The following TTLL8 variants were observed in gnomAD, a reference collection of about 807,000 sequenced individuals.
TTLL8 encodes the protein tubulin tyrosine ligase like 8, also known as protein monoglycylase TTLL8.
TTLL8 carries 65 observed loss-of-function variants against 77.8 expected under a neutral mutation model. The observed-to-expected ratio is 0.84, with a 90% CI of 0.68 to 1.03. The LOEUF (loss-of-function observed/expected upper bound fraction) is 1.03. Ranked by LOEUF, TTLL8 falls within the 50% of genes least tolerant of loss-of-function variation. The pLI is 0.00. For synonymous variants in TTLL8, 402 were observed against 422.8 expected, an observed-to-expected ratio of 0.95 and a Z score of 0.60; for missense variants, 910 against 1,004.5, an observed-to-expected ratio of 0.91 and a Z score of 1.27.
At position 50,045,251 on chromosome 22, in the gene TTLL8, G is replaced by T. The variant is rs778615412; in HGVS notation, c.643+4C>A. 2 of 1,352,592 alleles carry T rather than the reference G, an allele frequency of 1.5e-6. No homozygotes were observed. The highest frequency in any genetic ancestry group is 1.1e-5 in the South Asian group (1 of 87,524). The allele number at this position is 1,352,592 out of a possible 1,614,324, so 83.8% of individuals were successfully genotyped here. Reference sequence around the variant, plus strand: ...TGGCACTGCCCTGCCCCGGCCCAGCGCACCTTGCCTGCTGCTCAGGTCGCT... The same window carrying T: ...TGGCACTGCCCTGCCCCGGCCCAGCTCACCTTGCCTGCTGCTCAGGTCGCT... On this transcript the variant is annotated splice_donor_region_variant and intron_variant, in intron 6 of 13. Transcript: ENST00000266182.
exon 10 of TTLL8, chr22:50,033,213 G>A (rs1169674078): frequency 2.2e-6 from 3 of 1,350,652 alleles, no homozygotes; most frequent in Admixed American, 4.0e-5. Context: ...TGTCCAGCTT[G>A]TCCAGGGAGA....
rs1186019403 is a variant in TTLL8, at chr22:50,051,687, C to T, written c.52-1440G>A. ...AAGTGTTCCCTGTTCACCACTTCCACGCGGACCTCTATTACTTTTTCACTC... is the reference window on the plus strand; with the variant it reads ...AAGTGTTCCCTGTTCACCACTTCCATGCGGACCTCTATTACTTTTTCACTC... On this transcript the variant is annotated intron_variant, in intron 1 of 13. Transcript: ENST00000266182. Among the ~76,000 whole-genome samples the T allele has an allele frequency of 4.6e-5, 7 of 152,156 alleles. No individual in the cohort carries two copies. In the South Asian group the frequency reaches 1.4e-3, roughly 31 times the overall value.
At chr22:50,049,392 C>G (rs1465773770) in intron 2 of TTLL8, 70 bp from the exon 5 acceptor site, 11 of 1,354,622 alleles carry the variant, frequency 8.1e-6, no homozygotes, top group Middle Eastern at 4.5e-4. Context: ...GGTCCGTTAC[C>G]ACAACCGCAG....
chr22:50,034,247 C>T lies in TTLL8; in HGVS notation c.1039+98G>A, dbSNP rs2061319462. The T allele has an allele frequency of 5.7e-6, 7 of 1,232,668 alleles. No individual in the cohort carries two copies. The highest frequency in any genetic ancestry group is 2.1e-6 in the Non-Finnish European group (2 of 957,424). The allele number at this position is 1,232,668 out of a possible 1,614,324, so 76.4% of individuals were successfully genotyped here. On this transcript the variant is annotated intron_variant, in intron 9 of 13. Coordinates refer to ENST00000266182, the Ensembl canonical transcript of TTLL8. This position sits in a 1 kb window ranked among gnomAD's most constrained non-coding sequence, Gnocchi z 4.1. The stretch of plus-strand genomic sequence containing the variant: ...GCGTTCTGCTCCCTCCCTTCCTTCC[C>T]TGTGGTGCTGTGGGCCTGAAACTGT...
chr22:50,045,681 G>A (rs988225544), intron 5 of TTLL8, 175 bp downstream of exon 7: 11 of 831,436 alleles, frequency 1.3e-5, no homozygotes, highest in East Asian at 1.2e-4. Flanking sequence ...TTGACTGCCC[G>A]CCCTCCCTCC....
rs767324374 is a variant in TTLL8, at chr22:50,041,224, A to C, written c.884T>G (p.Met295Arg). The change falls in exon 8 of 14, where the codon ATG becomes AGG. Residue 295 changes from methionine (M) to arginine (R), a missense_variant. Met to Arg is a moderately conservative substitution (Grantham distance 91, BLOSUM62 -1). Transcript: ENST00000266182. The surrounding 1 kb of genome is among the most constrained non-coding windows in gnomAD (Gnocchi z 4.3). ...GGCTGTGGGGGGCTCAAATGACATC[A>C]TAACCTTCTGGATTTTGAAGATGCA... The C allele has an allele frequency of 2.1e-6, 1 of 480,460 alleles. No homozygotes were observed. The allele number at this position is 480,460 out of a possible 1,614,324, so 29.8% of individuals were successfully genotyped here. A position where few individuals can be genotyped will look rare whatever the true frequency, so the allele number is the denominator to read the frequency against.
intron 8 of TTLL8, among the ~76,000 whole-genome samples, chr22:50,036,218 C>T (rs2061335417): frequency 6.6e-6 from 1 of 152,194 alleles, no homozygotes; most frequent in African/African-American, 2.4e-5. Flanking sequence ...CCAGAGAGAC[C>T]CCCTCCGGCA....
At chr22:50,030,921 A>G in exon 12 of TTLL8, 1 of 1,315,974 alleles carries the variant, frequency 7.6e-7, no homozygotes, top group South Asian at 1.2e-5. Flanking sequence ...CGGCTCAACC[A>G]CCGGCTGTGG....
At chr22:50,027,826 G>C in intron 12 of TTLL8, 3 of 985,112 alleles carry the variant, frequency 3.0e-6, no homozygotes, top group Non-Finnish European at 3.6e-6. Context: ...GCCCAGCCAG[G>C]AGTCTGGAAG....
intron 3 of TTLL8, among the ~76,000 whole-genome samples, chr22:50,048,817 G>C (rs941695393): frequency 2.0e-5 from 3 of 152,220 alleles, no homozygotes; most frequent in African/African-American, 7.2e-5. Context: ...GTGGAGTGTT[G>C]GGAGCCCCGG....
chr22:50,041,785 C>A lies in TTLL8; in HGVS notation c.666G>T (p.Lys222Asn), dbSNP rs1210317208. The A allele has an allele frequency of 7.3e-7, 1 of 1,362,986 alleles. No individual in the cohort carries two copies. The highest frequency in any genetic ancestry group is 4.6e-5 in the East Asian group (1 of 21,922). 84.4% of individuals were successfully genotyped at this position (1,362,986 alleles called of 1,614,324 possible). A position where few individuals can be genotyped will look rare whatever the true frequency, so the allele number is the denominator to read the frequency against. ...CAAGCTGCCCCGGGAGGCCCCTGAG[C>A]TTTGCCTCAGCATTTTCAGCATCTG... Residue 222 changes from lysine (K) to asparagine (N), a missense_variant, in exon 7 of 14, where the codon AAG (lysine) becomes AAT (asparagine). Lys to Asn is a moderately conservative substitution (Grantham distance 94). Transcript: ENST00000266182. The surrounding 1 kb of genome is among the most constrained non-coding windows in gnomAD (Gnocchi z 4.3).
At chr22:50,030,181 G>A in intron 12 of TTLL8, 1 of 985,374 alleles carries the variant, frequency 1.0e-6, no homozygotes, top group Non-Finnish European at 1.2e-6. Context: ...GTTCTACAGA[G>A]GGGACCCCAC....
chr22:50,050,133 C>T lies in TTLL8; in HGVS notation c.166G>A (p.Glu56Lys), dbSNP rs184510799. 3,086 of 1,367,250 alleles carry T rather than the reference C, an allele frequency of 2.3e-3. 14 individuals are homozygous for T. The highest frequency in any genetic ancestry group is 9.4e-3 in the Middle Eastern group (45 of 4,762). The allele number at this position is 1,367,250 out of a possible 1,614,324, so 84.7% of individuals were successfully genotyped here. The change falls in exon 2 of 14, where the codon GAG (glutamate) becomes AAG (lysine). Residue 56 changes from glutamate (E) to lysine (K), a missense_variant. Physicochemically the swap from Glu to Lys is moderately conservative, Grantham distance 56. Around this residue, in one of 2 missense-constraint regions of TTLL8, gnomAD observed 776 missense variants for 926.1 expected, o/e 0.84. Transcript: ENST00000266182. The stretch of plus-strand genomic sequence containing the variant: ...CCATTGACCCGGGCGCCTTCATCCT[C>T]GACATCCGGAATGACCTTGGGCAAA...
chr22:50,035,753 C>T (rs1046295807), intron 8 of TTLL8, among the ~76,000 whole-genome samples: 10 of 152,198 alleles, frequency 6.6e-5, no homozygotes, highest in South Asian at 4.1e-4. Flanking sequence ...CTGCCAAGGC[C>T]GCCCAGGATA....
chr22:50,037,176 C>G (rs976091043), intron 8 of TTLL8, among the ~76,000 whole-genome samples: 14 of 151,958 alleles, frequency 9.2e-5, no homozygotes, highest in Admixed American at 3.9e-4. Context: ...CCAGCTGCTC[C>G]ACACGTTGGC....
intron 3 of TTLL8, among the ~76,000 whole-genome samples, chr22:50,048,837 G>T (rs2061427838): frequency 6.6e-6 from 1 of 152,218 alleles, no homozygotes; most frequent in Non-Finnish European, 1.5e-5. Flanking sequence ...GAGGGACTAG[G>T]CTGGGCTGGG....
At chr22:50,035,500 G>A (rs1035718076) in intron 8 of TTLL8, among the ~76,000 whole-genome samples, 2 of 152,184 alleles carry the variant, frequency 1.3e-5, no homozygotes, top group Admixed American at 6.5e-5. Context: ...GACTGAAGGC[G>A]ACCTCAGGCA....
Position 50,045,250 on chromosome 22 carries a change from C to A in TTLL8, c.643+5G>T. 7.4e-7 allele frequency: 1 copy of A among 1,352,212 alleles called. No homozygotes were observed. The highest frequency in any genetic ancestry group is 9.8e-7 in the Non-Finnish European group (1 of 1,020,820). The allele number at this position is 1,352,212 out of a possible 1,614,324, so 83.8% of individuals were successfully genotyped here. A position where few individuals can be genotyped will look rare whatever the true frequency, so the allele number is the denominator to read the frequency against. On this transcript the variant is annotated splice_donor_5th_base_variant and intron_variant, in intron 6 of 13. Transcript: ENST00000266182. ...CTGGCACTGCCCTGCCCCGGCCCAGCGCACCTTGCCTGCTGCTCAGGTCGC... is the reference window on the plus strand; with the variant it reads ...CTGGCACTGCCCTGCCCCGGCCCAGAGCACCTTGCCTGCTGCTCAGGTCGC...
rs549017206 is a variant in TTLL8, at chr22:50,046,503, G to A, written c.394-533C>T. ...GTGGCTGGCCCCCAGAAAACACAGC[G>A]CACGCTGACTGGCTCTGCACACGGG... On this transcript the variant is annotated intron_variant, in intron 4 of 13. Transcript: ENST00000266182. Among the ~76,000 whole-genome samples the A allele has an allele frequency of 7.2e-5, 11 of 152,372 alleles. No homozygotes were observed. In the South Asian group the frequency reaches 8.3e-4, roughly 11 times the overall value.
Sources: allele counts gnomAD v4.1 joint callset (sites outside exome capture counted in the v4.1 genomes callset), GRCh38; gene constraint gnomAD v4.1.1; regional missense constraint gnomAD v4.1.1; non-coding constraint Gnocchi (gnomAD v3.1); transcripts MANE v1.5; gene names NCBI Gene and HGNC (gene_info 2026-07-23, HGNC 2026-07-21).